LARP1: variants seen among roughly 807,000 people sequenced by gnomAD.
LARP1 encodes the protein La ribonucleoprotein 1, translational regulator, also known as la-related protein 1.
In LARP1, 36 loss-of-function variants were observed where a neutral mutation model predicts 122.7. That is an observed-to-expected ratio of 0.29 (90% CI 0.22 to 0.39). LARP1 has a LOEUF of 0.39. Among genes scored for constraint, LARP1 ranks in the 10% least tolerant of loss-of-function variants. The probability of loss-of-function intolerance (pLI) is 1.00; values close to 1 mark genes in which losing one functional copy is unlikely to be tolerated. For synonymous variants in LARP1, 539 were observed against 528.7 expected (o/e 1.02, Z -0.27); for missense variants, 1,040 against 1,403.6 (o/e 0.74, Z 4.14).
At chr5:154,812,505 G>GCCCCCCC (rs36105801) in intron 18 of LARP1, among the ~76,000 whole-genome samples, 5 of 58,968 alleles carry the variant, frequency 8.5e-5, no homozygotes, top group Non-Finnish European at 1.6e-4. Flanking sequence ...GGAAGTAAAA[G>GCCCCCCC]CCCCCCCCCC....
At chr5:154,765,438 TGCAGTGCA>T (rs1175368596) in intron 1 of LARP1, among the ~76,000 whole-genome samples, 3 of 152,206 alleles carry the variant, frequency 2.0e-5, no homozygotes, top group Admixed American at 2.0e-4. Flanking sequence ...TCATCCAGCC[TGCAGTGCA>T]GCAGTGCAAT....
chr5:154,769,824 A>C lies in LARP1; in HGVS notation c.436+13631A>C, dbSNP rs1022328367. ...CAGTAGCTGGGGGCAGCTTCAGTCA[A>C]AGTGTTGGGGAGTGCCTCTCACGGT... On this transcript the variant is annotated intron_variant, in intron 1 of 18. Coordinates refer to ENST00000518297, the MANE Select transcript of LARP1 (RefSeq NM_033551.3). Among the ~76,000 whole-genome samples, 9 of 152,180 alleles carry C rather than the reference A, an allele frequency of 5.9e-5. No homozygotes were observed. The East Asian group carries it at 1.3e-3, about 23-fold the overall frequency.
intron 1 of LARP1, among the ~76,000 whole-genome samples, chr5:154,785,846 A>G (rs1037354745): frequency 1.3e-5 from 2 of 152,032 alleles, no homozygotes; most frequent in Middle Eastern, 6.8e-3. Flanking sequence ...CTCAGCACCC[A>G]CCTTCTACCC....
chr5:154,703,635 T>C (rs1754821734), intron 1 of LARP1, among the ~76,000 whole-genome samples: 1 of 152,090 alleles, frequency 6.6e-6, no homozygotes, highest in African/African-American at 2.4e-5. Flanking sequence ...TTTTTGTTTA[T>C]TTTCAGATGG....
chr5:154,800,116 C>A (rs562628297), intron 10 of LARP1, 74 bp downstream of exon 10: 46 of 1,369,626 alleles, frequency 3.4e-5, no homozygotes, highest in Non-Finnish European at 4.5e-5. Context: ...AACACATGGG[C>A]ACAGCACTCT....
In LARP1 at chr5:154,794,138, G is replaced by A; in HGVS notation, c.1108G>A (p.Gly370Ser). The change falls in exon 7 of 19, where the codon GGT becomes AGT. Residue 370 changes from glycine (G) to serine (S), a missense_variant. Physicochemically the swap from Gly to Ser is moderately conservative, Grantham distance 56. Transcript: ENST00000518297. ...DYQFGYRKFD[G>S]VEGPRTPKYM... is the part of the protein sequence containing the mutation. ...CCAGTTTGGCTACCGAAAGTTTGAT[G>A]GTGTGGAGGGGCCTCGTACGCCCAA... 5 of 1,614,182 alleles carry A rather than the reference G, an allele frequency of 3.1e-6. No homozygotes were observed. The highest frequency in any genetic ancestry group is 4.2e-6 in the Non-Finnish European group (5 of 1,180,020).
rs779604829 is a variant in LARP1, at chr5:154,793,932, G to A, written c.1001G>A (p.Arg334Gln). 1.1e-5 allele frequency: 17 copies of A among 1,613,994 alleles called. No homozygotes were observed. In the East Asian group the frequency reaches 1.1e-4, roughly 11 times the overall value. ...AAGAGTGATGGGGCTGGTGGGGCGCGGGCTTCCTTCCGTGGCCGTGGACGG... is the reference window on the plus strand; with the variant it reads ...AAGAGTGATGGGGCTGGTGGGGCGCAGGCTTCCTTCCGTGGCCGTGGACGG... Reference protein sequence around the residue: ...SVKSDGAGGARASFRGRGRGR... With the variant: ...SVKSDGAGGAQASFRGRGRGR... The change falls in exon 6 of 19, where the codon CGG (arginine) becomes CAG (glutamine). Residue 334 changes from arginine to glutamine, a missense_variant. By Grantham distance (43) the Arg-to-Gln change is conservative. Coordinates refer to ENST00000518297, the MANE Select transcript of LARP1 (RefSeq NM_033551.3).
chr5:154,755,549 C>T lies in LARP1; in HGVS notation c.-209C>T, dbSNP rs868376513. 2.0e-6 allele frequency: 2 copies of T among 983,578 alleles called. No homozygotes were observed. Among genetic ancestry groups the T allele is most frequent in the African/African-American group, 3.5e-5 (2 of 57,044 alleles). 60.9% of individuals were successfully genotyped at this position (983,578 alleles called of 1,614,324 possible). On this transcript the variant is annotated 5_prime_UTR_variant, in exon 1 of 19. Transcript: ENST00000518297. ...GGACTGCAGAGTGGGGGGCCTTCCTCCCCCCCCGCCCCGCTAGTGGGCCTC... is the reference window on the plus strand; with the variant it reads ...GGACTGCAGAGTGGGGGGCCTTCCTTCCCCCCCGCCCCGCTAGTGGGCCTC...
Position 154,783,193 on chromosome 5 carries a change from C to T in LARP1, c.437-7132C>T, listed in dbSNP as rs572715289. Reference sequence around the variant, plus strand: ...CTGGGGGCTGAGGGTGGGGCACAATCCATGTCAGCTGGATCCCCCTGAGCA... The same window carrying T: ...CTGGGGGCTGAGGGTGGGGCACAATTCATGTCAGCTGGATCCCCCTGAGCA... On this transcript the variant is annotated intron_variant, in intron 1 of 18. Coordinates refer to ENST00000518297, the MANE Select transcript of LARP1 (RefSeq NM_033551.3). Among the ~76,000 whole-genome samples, 5 of 152,280 alleles carry T rather than the reference C, an allele frequency of 3.3e-5. No homozygotes were observed. In the East Asian group the frequency reaches 9.7e-4, roughly 29 times the overall value.
intron 1 of LARP1, among the ~76,000 whole-genome samples, chr5:154,748,634 G>A (rs896629379): frequency 6.6e-6 from 1 of 152,158 alleles, no homozygotes; most frequent in Admixed American, 6.5e-5. Flanking sequence ...AATAATAAAA[G>A]TAATGAAAGG....
chr5:154,756,468 C>T (rs1753917263), intron 1 of LARP1: 2 of 985,648 alleles, frequency 2.0e-6, no homozygotes, highest in Admixed American at 6.1e-5. Flanking sequence ...GGGCCTACCT[C>T]GTCGGCAGAG....
rs534402905 is a variant in LARP1, at chr5:154,755,895, G to T, written c.138G>T (p.Gly46=). 1.3e-4 allele frequency: 133 copies of T among 1,011,426 alleles called. No individual in the cohort carries two copies. The highest frequency in any genetic ancestry group is 1.4e-4 in the Non-Finnish European group (122 of 845,294). The allele number at this position is 1,011,426 out of a possible 1,614,324, so 62.7% of individuals were successfully genotyped here. A position where few individuals can be genotyped will look rare whatever the true frequency, so the allele number is the denominator to read the frequency against. ...KGEPGPNDVR[G]GEPDGSARRP... is the part of the protein sequence containing the mutation. ...AGCCCGGGCCAAACGACGTCCGCGG[G>T]GGGGAGCCGGACGGCAGCGCTCGGA... is the stretch of plus-strand genomic sequence containing the variant. Residue 46 remains glycine, a synonymous_variant, in exon 1 of 19, where the codon GGG becomes GGT. Transcript: ENST00000518297.
chr5:154,813,654 G>A (rs1252707755), intron 18 of LARP1, among the ~76,000 whole-genome samples: 2 of 152,176 alleles, frequency 1.3e-5, no homozygotes, highest in African/African-American at 4.8e-5. Context: ...TATAAAATCA[G>A]ATGTCCATGG....
At chr5:154,779,361 A>G (rs1440738000) in intron 1 of LARP1, among the ~76,000 whole-genome samples, 1 of 152,150 alleles carries the variant, frequency 6.6e-6, no homozygotes, top group African/African-American at 2.4e-5. Context: ...TTAATTGATG[A>G]TGGCTCTTGG....
intron 1 of LARP1, among the ~76,000 whole-genome samples, chr5:154,766,427 G>A (rs1441564698): frequency 6.6e-6 from 1 of 152,194 alleles, no homozygotes; most frequent in African/African-American, 2.4e-5. Flanking sequence ...TGGATCTTGG[G>A]CAATTATTAA....
intron 1 of LARP1, among the ~76,000 whole-genome samples, chr5:154,740,583 A>C (rs907247003): frequency 1.3e-5 from 2 of 152,152 alleles, no homozygotes; most frequent in Non-Finnish European, 2.9e-5. Context: ...TGGCTTGCTC[A>C]AGCTCACACA....
At chr5:154,702,666 C>T (rs564454509) in intron 1 of LARP1, among the ~76,000 whole-genome samples, 7 of 152,228 alleles carry the variant, frequency 4.6e-5, no homozygotes, top group Non-Finnish European at 1.0e-4. Context: ...CATGACTGAG[C>T]ATTGGTGCCA....
intron 1 of LARP1, among the ~76,000 whole-genome samples, chr5:154,768,644 C>T (rs1267261278): frequency 6.6e-6 from 1 of 152,134 alleles, no homozygotes; most frequent in African/African-American, 2.4e-5. Context: ...TGCAGTGGCG[C>T]GATCTTGGCT....
chr5:154,762,675 G>T (rs1272765881), intron 1 of LARP1, among the ~76,000 whole-genome samples: 1 of 152,198 alleles, frequency 6.6e-6, no homozygotes, highest in Non-Finnish European at 1.5e-5. Flanking sequence ...TCAGTTTGAT[G>T]TGCTGTTAGT....
Sources: allele counts gnomAD v4.1 joint callset (sites outside exome capture counted in the v4.1 genomes callset), GRCh38; gene constraint gnomAD v4.1.1; transcripts MANE v1.5; gene names NCBI Gene and HGNC (gene_info 2026-07-23, HGNC 2026-07-21).